The following DEUP1 variants were observed in gnomAD, a reference collection of about 807,000 sequenced individuals.
DEUP1 encodes deuterosome assembly protein 1.
In DEUP1, 82 loss-of-function variants were observed where a neutral mutation model predicts 87.4. The ratio of observed to expected loss-of-function variants is 0.94; its 90% confidence interval spans 0.78 to 1.13. The LOEUF is 1.13. Ranked by LOEUF, DEUP1 falls within the 50% of genes most tolerant of loss-of-function variation. The pLI, the probability that DEUP1 is intolerant of heterozygous loss-of-function variation, is 0.00. For synonymous variants in DEUP1, 214 were observed against 222.7 expected, an observed-to-expected ratio of 0.96 and a Z score of 0.35; for missense variants, 663 against 681.5, an observed-to-expected ratio of 0.97 and a Z score of 0.30.
intron 13 of DEUP1, among the ~76,000 whole-genome samples, chr11:93,418,677 C>A (rs1207898932): frequency 9.9e-5 from 15 of 151,756 alleles, no homozygotes; most frequent in African/African-American, 2.2e-4. Flanking sequence ...CCATCCCATT[C>A]CTGGGTATAT....
In DEUP1 at chr11:93,394,286, T is replaced by G. The variant is rs16918873; in HGVS notation, c.1042-173T>G. ...ATGTTGGAATTGGAAGGAAAAAAGGTAATGAGTCATTATTATATGTATCTG... is the reference window on the plus strand; with the variant it reads ...ATGTTGGAATTGGAAGGAAAAAAGGGAATGAGTCATTATTATATGTATCTG... On this transcript the variant is annotated intron_variant, in intron 9 of 13. Coordinates refer to ENST00000298050, the MANE Select transcript of DEUP1 (RefSeq NM_181645.4). Among the ~76,000 whole-genome samples the G allele has an allele frequency of 7.5e-3, 1,136 of 152,190 alleles. 19 individuals carry two copies. Among genetic ancestry groups the G allele is most frequent in the African/African-American group, 0.026 (1,097 of 41,516 alleles).
intron 8 of DEUP1, among the ~76,000 whole-genome samples, chr11:93,387,009 C>T (rs1946591594): frequency 6.6e-6 from 1 of 152,024 alleles, no homozygotes. Flanking sequence ...TAAAATCTTG[C>T]ACTTATTTAT....
At chr11:93,347,501 G>A (rs1944414467) in intron 2 of DEUP1, among the ~76,000 whole-genome samples, 1 of 152,098 alleles carries the variant, frequency 6.6e-6, no homozygotes, top group African/African-American at 2.4e-5. Flanking sequence ...ATCTCTGCCA[G>A]GTTTTGGTCA....
intron 5 of DEUP1, among the ~76,000 whole-genome samples, chr11:93,367,636 A>G (rs1240660472): frequency 6.6e-6 from 1 of 152,180 alleles, no homozygotes; most frequent in African/African-American, 2.4e-5. Context: ...TTTTTAAATT[A>G]TGAAATAGTT....
intron 2 of DEUP1, among the ~76,000 whole-genome samples, chr11:93,348,995 A>G (rs774975706): frequency 4.6e-5 from 7 of 152,194 alleles, no homozygotes; most frequent in Non-Finnish European, 7.3e-5. Context: ...GATCCCAAAC[A>G]TAAGCTCAGA....
intron 13 of DEUP1, among the ~76,000 whole-genome samples, chr11:93,436,124 C>G (rs1216453409): frequency 6.6e-6 from 1 of 152,168 alleles, no homozygotes; most frequent in Non-Finnish European, 1.5e-5. Flanking sequence ...TTCTGACATG[C>G]CACATAGCAG....
chr11:93,366,941 C>T (rs1945448296), intron 5 of DEUP1, among the ~76,000 whole-genome samples: 1 of 152,052 alleles, frequency 6.6e-6, no homozygotes, highest in Non-Finnish European at 1.5e-5. Flanking sequence ...ATCTAGATTG[C>T]ATTAATTTGA....
At chr11:93,409,647 C>T (rs1197041282) in intron 12 of DEUP1, among the ~76,000 whole-genome samples, 1 of 152,106 alleles carries the variant, frequency 6.6e-6, no homozygotes. Context: ...CTCATAAGCT[C>T]ATAATAGTTA....
At chr11:93,398,557 C>T (rs1161040816) in intron 11 of DEUP1, among the ~76,000 whole-genome samples, 1 of 151,936 alleles carries the variant, frequency 6.6e-6, no homozygotes, top group Non-Finnish European at 1.5e-5. Flanking sequence ...TAATTTTTGT[C>T]ATTCTGATGG....
intron 9 of DEUP1, among the ~76,000 whole-genome samples, chr11:93,390,502 T>A (rs1038994715): frequency 6.6e-6 from 1 of 152,218 alleles, no homozygotes; most frequent in African/African-American, 2.4e-5. Flanking sequence ...CCACAAAATT[T>A]ATTTTGCTGA....
chr11:93,413,128 T>C (rs148709987), intron 12 of DEUP1, among the ~76,000 whole-genome samples: 60 of 152,298 alleles, frequency 3.9e-4, no homozygotes, highest in African/African-American at 1.4e-3. Context: ...CTAGGTTAAA[T>C]TAAACTATGA....
rs761528430 is a variant in DEUP1, at chr11:93,396,255, A to G, written c.1256A>G (p.Tyr419Cys). 1.5e-5 allele frequency: 24 copies of G among 1,576,312 alleles called. No homozygotes were observed. Among genetic ancestry groups the G allele is most frequent in the Admixed American group, 7.4e-5 (4 of 53,736 alleles). ...TAATTTCAGGTCTCAGATATGAAAT[A>G]TAAAGCTGTCAGAACTGAAAACACA... ...LAKQKVSDMK[Y>C]KAVRTENTHL... The change falls in exon 11 of 14, where the codon TAT becomes TGT. Residue 419 changes from tyrosine (Y) to cysteine (C), a missense_variant. Coordinates refer to ENST00000298050, the MANE Select transcript of DEUP1 (RefSeq NM_181645.4).
chr11:93,388,982 A>C (rs1221383151), intron 8 of DEUP1, 38 bp from the exon 9 acceptor site: 4 of 1,108,878 alleles, frequency 3.6e-6, no homozygotes, highest in Non-Finnish European at 5.3e-6. Context: ...TATCAAGTTA[A>C]GCTTAATTTT....
At chr11:93,394,718 C>G in intron 10 of DEUP1, 62 bp downstream of exon 10, 1 of 1,075,988 alleles carries the variant, frequency 9.3e-7, no homozygotes, top group Non-Finnish European at 1.3e-6. Context: ...CCAATAGTAG[C>G]CTTCATTATT....
intron 2 of DEUP1, among the ~76,000 whole-genome samples, chr11:93,335,569 G>A (rs1943717204): frequency 6.6e-6 from 1 of 152,066 alleles, no homozygotes; most frequent in Non-Finnish European, 1.5e-5. Context: ...ATATTTCAGT[G>A]TTCTGTTGCT....
intron 2 of DEUP1, among the ~76,000 whole-genome samples, chr11:93,354,736 A>T (rs1229654794): frequency 6.6e-6 from 1 of 152,208 alleles, no homozygotes; most frequent in Non-Finnish European, 1.5e-5. Flanking sequence ...TCATGAGAAT[A>T]GCACAGGAAA....
intron 4 of DEUP1, among the ~76,000 whole-genome samples, chr11:93,358,790 C>G (rs1307109026): frequency 2.6e-5 from 4 of 152,132 alleles, no homozygotes; most frequent in Admixed American, 6.5e-5. Flanking sequence ...GCCTTGTTGG[C>G]CTGTCTGGTC....
At chr11:93,370,263 A>G (rs1210640683) in intron 6 of DEUP1, 77 bp downstream of exon 6, 4 of 759,638 alleles carry the variant, frequency 5.3e-6, no homozygotes, top group Non-Finnish European at 6.3e-6. Flanking sequence ...CCAGTAATCT[A>G]TTTACAAACA....
chr11:93,435,290 G>A (rs950863441), intron 13 of DEUP1, among the ~76,000 whole-genome samples: 2 of 152,044 alleles, frequency 1.3e-5, no homozygotes, highest in African/African-American at 2.4e-5. Context: ...GTTGCAAGCA[G>A]GTCAGACATT....
Sources: gnomAD v4.1 joint callset for allele counts (sites outside exome capture counted in the v4.1 genomes callset) on GRCh38, gnomAD v4.1.1 for gene constraint, MANE v1.5 for transcripts, NCBI Gene and HGNC (gene_info 2026-07-23, HGNC 2026-07-21) for gene names.